The following FRMD6 variants were observed in gnomAD, a reference collection of about 807,000 sequenced individuals.
FRMD6 encodes the protein FERM domain containing 6, also known as FERM domain-containing protein 6.
Under a neutral mutation model 73.2 loss-of-function variants are expected in FRMD6, and 37 were observed. The ratio of observed to expected loss-of-function variants is 0.51; its 90% CI spans 0.39 to 0.66. The LOEUF is 0.66. Among genes scored for constraint, FRMD6 ranks in the 30% least tolerant of loss-of-function variants. The pLI is 0.00. For missense variants in FRMD6, 714 were observed against 780.5 expected, an observed-to-expected ratio of 0.91 and a Z score of 1.02; for synonymous variants, 273 against 282.2, an observed-to-expected ratio of 0.97 and a Z score of 0.33.
rs374477283 is a variant in FRMD6 at position 51,711,566 on chromosome 14, A to G, written c.750A>G (p.Gly250=). 135 of 1,607,978 alleles carry G rather than the reference A, an allele frequency of 8.4e-5. No homozygotes were observed. Among genetic ancestry groups the G allele is most frequent in the Non-Finnish European group, 1.1e-4 (129 of 1,175,302 alleles). ...AAATTGAAGCATCGCTGACTCTTGGATTGACCATGAGGGGAATACAGATTT... is the reference window on the plus strand; with the variant it reads ...AAATTGAAGCATCGCTGACTCTTGGGTTGACCATGAGGGGAATACAGATTT... ...KREIEASLTL[G]LTMRGIQIFQ... Residue 250 remains glycine (G), a synonymous_variant, in exon 8 of 14, where the codon GGA becomes GGG. Coordinates refer to ENST00000344768, the MANE Select transcript of FRMD6 (RefSeq NM_001267046.2).
intron 2 of FRMD6, among the ~76,000 whole-genome samples, chr14:51,636,841 G>T (rs955082915): frequency 9.2e-5 from 14 of 152,164 alleles, no homozygotes; most frequent in African/African-American, 3.4e-4. Flanking sequence ...AGAGGGCTAA[G>T]AAAGAAAAGT....
chr14:51,676,754 G>C (rs1389915121), intron 1 of FRMD6, among the ~76,000 whole-genome samples: 1 of 152,026 alleles, frequency 6.6e-6, no homozygotes, highest in African/African-American at 2.4e-5. Flanking sequence ...ACCAAGTTAT[G>C]AAAAAAATTT....
At chr14:51,444,482 A>G in the FRMD6 span, among the ~76,000 whole-genome samples, 1 of 152,196 alleles carries the variant, frequency 6.6e-6, no homozygotes, top group South Asian at 2.1e-4. Context: ...TTTTCCCTGG[A>G]CAGTCTGTAA....
the FRMD6 span, among the ~76,000 whole-genome samples, chr14:51,456,155 AT>A: frequency 2.6e-5 from 4 of 151,910 alleles, no homozygotes; most frequent in Admixed American, 6.6e-5. Flanking sequence ...TTTCTTTTAA[AT>A]TTTTTTTATT....
the FRMD6 span, among the ~76,000 whole-genome samples, chr14:51,416,927 T>C: frequency 1.3e-5 from 2 of 152,212 alleles, no homozygotes; most frequent in African/African-American, 2.4e-5. Flanking sequence ...TTGTCTCTTT[T>C]GATCTTTGTT....
intron 2 of FRMD6, among the ~76,000 whole-genome samples, chr14:51,626,973 A>T (rs1279880323): frequency 6.6e-6 from 1 of 152,208 alleles, no homozygotes; most frequent in Non-Finnish European, 1.5e-5. Flanking sequence ...GGCCTGAGAG[A>T]GCATTTGCAG....
At position 51,511,015 on chromosome 14, in the gene FRMD6, G is replaced by A. The variant is rs141541968; in HGVS notation, c.-210+21595G>A. On this transcript the variant is annotated intron_variant, in intron 1 of 14. Transcript: ENST00000356218. ...CCCGCCAAGAGGCCTATAACCCAGA[G>A]TGAAGCTTGTAGGGCTGCTTGGTAA... Among the ~76,000 whole-genome samples, 378 of 152,028 alleles carry A rather than the reference G, an allele frequency of 2.5e-3. 2 individuals carry two copies. Among genetic ancestry groups the A allele is most frequent in the African/African-American group, 8.6e-3 (355 of 41,426 alleles).
At chr14:51,495,716 A>G (rs941664197) in intron 1 of FRMD6, among the ~76,000 whole-genome samples, 7 of 152,234 alleles carry the variant, frequency 4.6e-5, no homozygotes, top group African/African-American at 1.7e-4. Context: ...AGTGAGGGTA[A>G]GAAGACGTTA....
chr14:51,560,127 A>G (rs1887394355), intron 1 of FRMD6, among the ~76,000 whole-genome samples: 1 of 152,220 alleles, frequency 6.6e-6, no homozygotes, highest in Admixed American at 6.5e-5. Context: ...ATTTATGGAC[A>G]TGGAATAAAT....
chr14:51,469,618 G>GA, the FRMD6 span, among the ~76,000 whole-genome samples: 2,393 of 96,766 alleles, frequency 0.025, 64 homozygotes, highest in African/African-American at 0.072. Context: ...ATTTCAAAAA[G>GA]AAAAAAAAAA....
At chr14:51,708,393 A>C in intron 7 of FRMD6, 160 bp downstream of exon 7, 2 of 679,164 alleles carry the variant, frequency 2.9e-6, no homozygotes, top group Admixed American at 6.0e-5. Context: ...ATCGCACGTC[A>C]GTCTTGGAGG....
At chr14:51,490,462 C>T (rs1220358867) in intron 1 of FRMD6, among the ~76,000 whole-genome samples, 1 of 152,068 alleles carries the variant, frequency 6.6e-6, no homozygotes. Flanking sequence ...CAGACAAATG[C>T]TGGGTCATTT....
At chr14:51,713,928 A>G (rs1447893959) in intron 9 of FRMD6, 1 of 152,122 alleles carries the variant, frequency 6.6e-6, no homozygotes, top group Non-Finnish European at 1.5e-5. Context: ...AGGGTCCTGG[A>G]CTTGTTGCTT....
intron 1 of FRMD6, among the ~76,000 whole-genome samples, chr14:51,536,415 T>C (rs754113075): frequency 2.0e-5 from 3 of 151,708 alleles, no homozygotes; most frequent in Non-Finnish European, 4.4e-5. Flanking sequence ...TTTTAATTTA[T>C]TTATTTATTT....
intron 1 of FRMD6, among the ~76,000 whole-genome samples, chr14:51,676,151 C>T (rs1566554945): frequency 6.6e-6 from 1 of 152,014 alleles, no homozygotes; most frequent in East Asian, 1.9e-4. Context: ...AAGCACACCA[C>T]GGTCCTACAG....
At chr14:51,629,925 C>T (rs1480427778) in intron 2 of FRMD6, among the ~76,000 whole-genome samples, 1 of 152,172 alleles carries the variant, frequency 6.6e-6, no homozygotes, top group Non-Finnish European at 1.5e-5. Flanking sequence ...CCAGAGGCTA[C>T]TGGTTGTTAA....
intron 1 of FRMD6, among the ~76,000 whole-genome samples, chr14:51,525,394 G>T (rs190864431): frequency 5.3e-5 from 8 of 151,870 alleles, no homozygotes; most frequent in Admixed American, 5.2e-4. Context: ...TAAGCCTCCC[G>T]AGTAGCTGGG....
At chr14:51,447,046 T>C in the FRMD6 span, among the ~76,000 whole-genome samples, 2 of 152,286 alleles carry the variant, frequency 1.3e-5, no homozygotes, top group African/African-American at 4.8e-5. Flanking sequence ...TTCAATACTT[T>C]ATAATACTCT....
At chr14:51,601,781 A>G (rs1316146075) in intron 2 of FRMD6, among the ~76,000 whole-genome samples, 1 of 152,244 alleles carries the variant, frequency 6.6e-6, no homozygotes, top group Non-Finnish European at 1.5e-5. Flanking sequence ...AATGTCCCTG[A>G]CTGCCTAGGC....
Sources: gnomAD v4.1 joint callset for allele counts (sites outside exome capture counted in the v4.1 genomes callset) on GRCh38, gnomAD v4.1.1 for gene constraint, MANE v1.5 for transcripts, NCBI Gene and HGNC (gene_info 2026-07-23, HGNC 2026-07-21) for gene names.